The following PRICKLE1 variants were observed in gnomAD, a reference collection of about 807,000 sequenced individuals.
The protein encoded by PRICKLE1 is prickle planar cell polarity protein 1.
A neutral mutation model predicts 70.2 loss-of-function variants in PRICKLE1; 14 were observed. That is an observed-to-expected ratio of 0.20 (90% CI 0.13 to 0.31). The LOEUF is 0.31. PRICKLE1 is among the 10% of genes least tolerant of loss of function. The pLI is 1.00. For missense variants in PRICKLE1, 821 were observed against 1,026.2 expected, an observed-to-expected ratio of 0.80 and a Z score of 2.73; for synonymous variants, 357 against 379.9, an observed-to-expected ratio of 0.94 and a Z score of 0.70.
intron 1 of PRICKLE1, among the ~76,000 whole-genome samples, chr12:42,507,687 T>G (rs776480634): frequency 2.6e-5 from 4 of 152,214 alleles, no homozygotes; most frequent in Non-Finnish European, 5.9e-5. Context: ...AAGGTTGCAT[T>G]GCACTGAGCA....
intron 5 of PRICKLE1, among the ~76,000 whole-genome samples, 164 bp downstream of exon 5, chr12:42,468,461 AC>A (rs1173872123): frequency 6.6e-6 from 1 of 152,232 alleles, no homozygotes; most frequent in African/African-American, 2.4e-5. Flanking sequence ...TTTTGCAGCA[AC>A]CAAATATAGA....
At chr12:42,543,257 A>G (rs752284851) in intron 1 of PRICKLE1, among the ~76,000 whole-genome samples, 7 of 152,180 alleles carry the variant, frequency 4.6e-5, no homozygotes, top group South Asian at 2.1e-4. Context: ...TTCAGGCTAA[A>G]TGTTCTTGAA....
At chr12:42,532,660 G>A (rs575223485) in intron 1 of PRICKLE1, among the ~76,000 whole-genome samples, 3 of 152,282 alleles carry the variant, frequency 2.0e-5, no homozygotes, top group East Asian at 3.9e-4. Flanking sequence ...CACTTTGGGA[G>A]GCTGAGGCGG....
At chr12:42,577,323 G>T (rs759589011) in intron 1 of PRICKLE1, among the ~76,000 whole-genome samples, 60 of 150,696 alleles carry the variant, frequency 4.0e-4, no homozygotes, top group Admixed American at 9.2e-4. Flanking sequence ...CTGTCACATT[G>T]AACTCTAAGG....
intron 1 of PRICKLE1, among the ~76,000 whole-genome samples, chr12:42,505,306 G>A (rs1219430743): frequency 2.6e-5 from 4 of 152,324 alleles, no homozygotes; most frequent in African/African-American, 9.6e-5. Context: ...AGCAAAGGTG[G>A]AACAGTTTTG....
chr12:42,515,603 T>C (rs1939598067), intron 1 of PRICKLE1, among the ~76,000 whole-genome samples: 1 of 152,208 alleles, frequency 6.6e-6, no homozygotes, highest in Non-Finnish European at 1.5e-5. Context: ...GTAAAATTGT[T>C]GAAAGCTTAC....
intron 1 of PRICKLE1, among the ~76,000 whole-genome samples, chr12:42,548,606 G>A (rs539130069): frequency 1.4e-3 from 220 of 152,284 alleles, no homozygotes; most frequent in African/African-American, 4.9e-3. Context: ...CAGGAGTTCC[G>A]AAGAGCAAAG....
chr12:42,581,488 T>C (rs1247361686), intron 1 of PRICKLE1, among the ~76,000 whole-genome samples: 2 of 152,066 alleles, frequency 1.3e-5, no homozygotes, highest in Admixed American at 1.3e-4. Context: ...CTCACACCTG[T>C]AATCCCAGTA....
At chr12:42,547,802 A>G (rs1940239769) in intron 1 of PRICKLE1, among the ~76,000 whole-genome samples, 1 of 152,228 alleles carries the variant, frequency 6.6e-6, no homozygotes, top group South Asian at 2.1e-4. Flanking sequence ...TCAAGGTTAC[A>G]CATTCATAGT....
At position 42,459,793 on chromosome 12, in the gene PRICKLE1, C is replaced by G; in HGVS notation, c.*16G>C. On this transcript the variant is annotated 3_prime_UTR_variant, in exon 8 of 8. Transcript: ENST00000345127. ...AATGGCTAAGTTTTAAACAAATGCT[C>G]TGCATCACTACTTGGTTAAGAAATA... The G allele has an allele frequency of 6.2e-7, 1 of 1,614,042 alleles. No individual in the cohort carries two copies. The highest frequency in any genetic ancestry group is 2.2e-5 in the East Asian group (1 of 44,880).
intron 1 of PRICKLE1, among the ~76,000 whole-genome samples, chr12:42,506,443 G>C (rs1219527043): frequency 2.6e-5 from 4 of 151,194 alleles, no homozygotes; most frequent in African/African-American, 7.3e-5. Context: ...TTTTAATAGA[G>C]ATGAGGTTTC....
intron 1 of PRICKLE1, among the ~76,000 whole-genome samples, chr12:42,564,064 C>G (rs1940576635): frequency 6.6e-6 from 1 of 151,464 alleles, no homozygotes; most frequent in African/African-American, 2.4e-5. Context: ...TGAGAACATC[C>G]TGGCCAACAT....
chr12:42,529,043 T>C (rs1353554576), intron 1 of PRICKLE1, among the ~76,000 whole-genome samples: 1 of 152,240 alleles, frequency 6.6e-6, no homozygotes, highest in East Asian at 1.9e-4. Context: ...TATTTTTTTA[T>C]GAATGGATGT....
chr12:42,467,183 T>A (rs1938127927), intron 5 of PRICKLE1, among the ~76,000 whole-genome samples: 1 of 152,014 alleles, frequency 6.6e-6, no homozygotes, highest in Non-Finnish European at 1.5e-5. Context: ...TGGCGTGACC[T>A]CGGCTCACTG....
intron 1 of PRICKLE1, among the ~76,000 whole-genome samples, chr12:42,542,242 G>T (rs190357498): frequency 5.4e-5 from 8 of 148,558 alleles, no homozygotes; most frequent in African/African-American, 7.4e-5. Flanking sequence ...GTGGTCTTTG[G>T]TTTTTTTTTT....
At chr12:42,517,701 T>G (rs570532224) in intron 1 of PRICKLE1, among the ~76,000 whole-genome samples, 1 of 152,190 alleles carries the variant, frequency 6.6e-6, no homozygotes, top group Admixed American at 6.5e-5. Flanking sequence ...CCAGCCTTAT[T>G]GCCTCCTCCT....
In PRICKLE1 at chr12:42,459,716, A is replaced by T; in HGVS notation, c.*93T>A. ...TTTACATGGGCAAAGAAAGCACTTTAAACTATTTTCACAACTTTCCTACGG... is the reference window on the plus strand; with the variant it reads ...TTTACATGGGCAAAGAAAGCACTTTTAACTATTTTCACAACTTTCCTACGG... On this transcript the variant is annotated 3_prime_UTR_variant, in exon 8 of 8. Coordinates refer to ENST00000345127, the MANE Select transcript of PRICKLE1 (RefSeq NM_153026.3). 1 of 1,450,692 alleles carries T rather than the reference A, an allele frequency of 6.9e-7. No homozygotes were observed. The highest frequency in any genetic ancestry group is 9.6e-7 in the Non-Finnish European group (1 of 1,036,994). The allele number at this position is 1,450,692 out of a possible 1,614,324, so 89.9% of individuals were successfully genotyped here.
chr12:42,557,990 T>C (rs1430615177), intron 1 of PRICKLE1, among the ~76,000 whole-genome samples: 1 of 152,194 alleles, frequency 6.6e-6, no homozygotes, highest in Non-Finnish European at 1.5e-5. Context: ...TTCACGTGCT[T>C]AGTAATTGGC....
At chr12:42,474,435 T>C (rs1938446456) in intron 1 of PRICKLE1, among the ~76,000 whole-genome samples, 1 of 152,176 alleles carries the variant, frequency 6.6e-6, no homozygotes, top group Non-Finnish European at 1.5e-5. Flanking sequence ...ACATATATTA[T>C]TCCAACTAAT....
Sources: gnomAD v4.1 joint callset for allele counts (sites outside exome capture counted in the v4.1 genomes callset) on GRCh38, gnomAD v4.1.1 for gene constraint, MANE v1.5 for transcripts, NCBI Gene and HGNC (gene_info 2026-07-23, HGNC 2026-07-21) for gene names.